CTNND2: variants seen among roughly 807,000 people sequenced by gnomAD.
The protein encoded by CTNND2 is catenin delta-2.
In CTNND2, 22 loss-of-function variants were observed where a neutral mutation model predicts 144.4. That is an observed-to-expected ratio of 0.15 (90% confidence interval 0.11 to 0.22). The LOEUF is 0.22. CTNND2 is among the 10% of genes least tolerant of loss of function. CTNND2 has a pLI of 1.00. For synonymous variants in CTNND2, 751 were observed against 695.6 expected, an observed-to-expected ratio of 1.08 and a Z score of -1.25; for missense variants, 1,353 against 1,618.8, an observed-to-expected ratio of 0.84 and a Z score of 2.82.
intron 3 of CTNND2, among the ~76,000 whole-genome samples, chr5:11,421,070 C>T (rs543476682): frequency 4.6e-5 from 7 of 152,200 alleles, no homozygotes; most frequent in East Asian, 3.9e-4. Context: ...CTAAGACTAG[C>T]GGGAACCAAT....
Position 11,034,066 on chromosome 5 carries a change from A to G in CTNND2, c.2789-11087T>C, listed in dbSNP as rs1050478089. On this transcript the variant is annotated intron_variant, in intron 16 of 21. Coordinates refer to ENST00000304623, the MANE Select transcript of CTNND2 (RefSeq NM_001332.4). ...TCAATATTTAGTATCTAAGGTAAAA[A>G]GAGTTGATGCAGTATTTTCAGGTAA... Among the ~76,000 whole-genome samples the G allele has an allele frequency of 6.6e-5, 10 of 152,326 alleles. No individual in the cohort carries two copies. The South Asian group carries it at 1.7e-3, about 25-fold the overall frequency.
At chr5:11,755,989 T>C (rs1410916399) in intron 1 of CTNND2, among the ~76,000 whole-genome samples, 1 of 151,600 alleles carries the variant, frequency 6.6e-6, no homozygotes, top group Non-Finnish European at 1.5e-5. Flanking sequence ...AGAACTAGTG[T>C]GGTCATGTGG....
chr5:11,354,744 C>T (rs1755688312), intron 8 of CTNND2, among the ~76,000 whole-genome samples: 1 of 152,082 alleles, frequency 6.6e-6, no homozygotes, highest in African/African-American at 2.4e-5. Context: ...CGCTCCAGAC[C>T]AAAGGGACCT....
chr5:11,166,875 C>T (rs1183465089), intron 11 of CTNND2, among the ~76,000 whole-genome samples: 1 of 152,024 alleles, frequency 6.6e-6, no homozygotes, highest in African/African-American at 2.4e-5. Context: ...GAAAACATTC[C>T]TATACCACAC....
intron 2 of CTNND2, among the ~76,000 whole-genome samples, 155 bp from the exon 3 acceptor site, chr5:11,565,211 G>C (rs1041792197): frequency 1.1e-4 from 16 of 152,254 alleles, no homozygotes; most frequent in Admixed American, 1.0e-3. Context: ...AGGTTAGACA[G>C]GCTTGTGGCC....
intron 10 of CTNND2, among the ~76,000 whole-genome samples, chr5:11,231,272 G>A (rs1351238058): frequency 1.3e-5 from 2 of 152,118 alleles, no homozygotes; most frequent in Non-Finnish European, 2.9e-5. Context: ...GGAGTGGGCT[G>A]TTGTTGTAAA....
chr5:11,502,624 C>T (rs1770647626), intron 3 of CTNND2, among the ~76,000 whole-genome samples: 1 of 152,212 alleles, frequency 6.6e-6, no homozygotes, highest in South Asian at 2.1e-4. Flanking sequence ...AAATAACTTC[C>T]TGTGATTTTT....
intron 9 of CTNND2, among the ~76,000 whole-genome samples, chr5:11,327,230 A>C (rs2642715): frequency 0.039 from 5,873 of 152,234 alleles, 389 homozygotes; most frequent in African/African-American, 0.13. Context: ...AAGCAAGGGA[A>C]AGAATAAAGC....
chr5:11,009,264 A>G (rs539294936), intron 18 of CTNND2, among the ~76,000 whole-genome samples: 29 of 152,344 alleles, frequency 1.9e-4, no homozygotes, highest in African/African-American at 7.0e-4. Flanking sequence ...GACATCTCCC[A>G]TGGGCAGAGT....
rs1400252550 is a variant in CTNND2, at chr5:11,253,538, G to A, written c.1629-16715C>T. Among the ~76,000 whole-genome samples the A allele has an allele frequency of 5.9e-5, 9 of 152,136 alleles. No homozygotes were observed. In the South Asian group the frequency reaches 8.3e-4, roughly 14 times the overall value. ...TCTTGCCTGCTGCCATGTAAGACAT[G>A]CCTTTCACCTTCCACCATGATTGTG... On this transcript the variant is annotated intron_variant, in intron 9 of 21. Transcript: ENST00000304623.
intron 2 of CTNND2, among the ~76,000 whole-genome samples, chr5:11,567,531 A>T (rs1489116291): frequency 1.3e-5 from 2 of 149,650 alleles, no homozygotes; most frequent in Admixed American, 6.7e-5. Context: ...TTGCAATTCA[A>T]TTTTTTTTTT....
intron 1 of CTNND2, among the ~76,000 whole-genome samples, chr5:11,866,515 A>C (rs911504931): frequency 2.0e-5 from 3 of 152,292 alleles, no homozygotes; most frequent in African/African-American, 7.2e-5. Flanking sequence ...CATCTACAAA[A>C]ATTAGGAGGT....
intron 2 of CTNND2, among the ~76,000 whole-genome samples, chr5:11,701,502 CTATTT>C (rs1237940434): frequency 4.6e-5 from 7 of 152,252 alleles, no homozygotes; most frequent in South Asian, 2.1e-4. Context: ...CGTATTTATT[CTATTT>C]TGAGTTAAAT....
chr5:11,881,204 C>T (rs1160763285), intron 1 of CTNND2, among the ~76,000 whole-genome samples: 2 of 151,914 alleles, frequency 1.3e-5, no homozygotes, highest in Admixed American at 6.6e-5. Flanking sequence ...ATGGCATACA[C>T]GTGCTATTTC....
chr5:11,167,751 A>G (rs1759487735), intron 11 of CTNND2, among the ~76,000 whole-genome samples: 1 of 149,712 alleles, frequency 6.7e-6, no homozygotes, highest in Non-Finnish European at 1.5e-5. Flanking sequence ...GTTAGAGTGC[A>G]GCGGCGTGAT....
chr5:11,172,562 G>T (rs1760037571), intron 11 of CTNND2, among the ~76,000 whole-genome samples: 1 of 152,180 alleles, frequency 6.6e-6, no homozygotes, highest in East Asian at 1.9e-4. Context: ...TGCAGAGCTG[G>T]GAAGACAATG....
At chr5:11,807,269 T>TA (rs759116791) in intron 1 of CTNND2, among the ~76,000 whole-genome samples, 3 of 152,154 alleles carry the variant, frequency 2.0e-5, no homozygotes, top group Admixed American at 2.0e-4. Flanking sequence ...CTCTAAATAT[T>TA]AGACTTATAT....
At chr5:11,885,077 G>A (rs1736420386) in intron 1 of CTNND2, among the ~76,000 whole-genome samples, 1 of 152,016 alleles carries the variant, frequency 6.6e-6, no homozygotes, top group South Asian at 2.1e-4. Context: ...ATTCTGTTGA[G>A]GATTTTTACA....
intron 16 of CTNND2, among the ~76,000 whole-genome samples, chr5:11,059,717 G>A (rs775675034): frequency 1.3e-5 from 2 of 151,960 alleles, no homozygotes; most frequent in Non-Finnish European, 2.9e-5. Context: ...CAAAAATCAT[G>A]TTGTTTATAA....
Sources: allele counts gnomAD v4.1 joint callset (sites outside exome capture counted in the v4.1 genomes callset), GRCh38; gene constraint gnomAD v4.1.1; transcripts MANE v1.5; gene names NCBI Gene and HGNC (gene_info 2026-07-23, HGNC 2026-07-21).